CORIN: variants seen among roughly 807,000 people sequenced by gnomAD.
CORIN encodes corin, serine peptidase.
Under a neutral mutation model 125.3 loss-of-function variants are expected in CORIN, and 117 were observed. The ratio of observed to expected loss-of-function variants is 0.93; its 90% CI spans 0.80 to 1.09. CORIN has a LOEUF of 1.09. Among genes scored for constraint, CORIN ranks in the 50% least tolerant of loss-of-function variants. The pLI is 0.00. For missense variants in CORIN, 1,253 were observed against 1,306.7 expected (o/e 0.96, Z 0.63); for synonymous variants, 450 against 466.4 (o/e 0.96, Z 0.45).
At chr4:47,730,472 CAAAAAAAAAAAAAAA>C (rs71199996) in intron 5 of CORIN, among the ~76,000 whole-genome samples, 65 of 66,030 alleles carry the variant, frequency 9.8e-4, no homozygotes, top group African/African-American at 3.1e-3. Flanking sequence ...GACTCCATCT[CAAAAAAAAAAAAAAA>C]AAAAAAAAAG....
chr4:47,639,810 C>G (rs1723169300), intron 16 of CORIN, among the ~76,000 whole-genome samples: 1 of 152,186 alleles, frequency 6.6e-6, no homozygotes, highest in African/African-American at 2.4e-5. Context: ...GCTGCCTGAG[C>G]CTGTTCCCTC....
intron 5 of CORIN, among the ~76,000 whole-genome samples, chr4:47,733,665 G>T (rs1443653874): frequency 6.6e-6 from 1 of 152,204 alleles, no homozygotes; most frequent in South Asian, 2.1e-4. Context: ...CAGCATGATT[G>T]ATAGGTCCTG....
rs1373930194 is a variant in CORIN, at chr4:47,803,415, AG to A, written c.208+3487del. 2.8e-4 allele frequency among the ~76,000 whole-genome samples: 42 copies of A among 152,358 alleles called. 1 individual carries two copies. The highest frequency in any genetic ancestry group is 2.2e-3 in the Admixed American group (34 of 15,298). ...ATAGCCCAAGCTATCCTATGCAAAAAGAATGAAACTGGAAGAATCACATTAC... is the reference window on the plus strand; with the variant it reads ...ATAGCCCAAGCTATCCTATGCAAAAAAATGAAACTGGAAGAATCACATTAC... On this transcript the variant is annotated intron_variant, in intron 2 of 21. Coordinates refer to ENST00000273857, the MANE Select transcript of CORIN (RefSeq NM_006587.4).
At position 47,772,467 on chromosome 4, in the gene CORIN, T is replaced by C. The variant is rs575539282; in HGVS notation, c.410-8881A>G. 1.5e-4 allele frequency among the ~76,000 whole-genome samples: 23 copies of C among 152,348 alleles called. No homozygotes were observed. The South Asian group carries it at 4.3e-3, about 29-fold the overall frequency. On this transcript the variant is annotated intron_variant, in intron 3 of 21. Transcript: ENST00000273857. ...CATTTTTTATAAATTTTGAAAGAAC[T>C]ACACCTTGCCCCATAAAATCATCCA...
chr4:47,832,473 C>T (rs1483818128), intron 1 of CORIN, among the ~76,000 whole-genome samples: 1 of 120,322 alleles, frequency 8.3e-6, no homozygotes, highest in East Asian at 2.3e-4. Context: ...GAGATGGAGT[C>T]TCGCTCTATC....
intron 11 of CORIN, among the ~76,000 whole-genome samples, chr4:47,663,899 A>G (rs954288850): frequency 2.0e-5 from 3 of 152,172 alleles, no homozygotes; most frequent in Non-Finnish European, 4.4e-5. Flanking sequence ...CTCTATTGGT[A>G]TAATTTGTTC....
chr4:47,607,837 C>T (rs1384016708), intron 19 of CORIN, among the ~76,000 whole-genome samples: 1 of 151,856 alleles, frequency 6.6e-6, no homozygotes, highest in Non-Finnish European at 1.5e-5. Context: ...GTCCCAGCTA[C>T]TCAGGAGGCT....
chr4:47,694,394 T>TA (rs1178911569), intron 5 of CORIN, among the ~76,000 whole-genome samples: 3 of 151,980 alleles, frequency 2.0e-5, no homozygotes, highest in Non-Finnish European at 2.9e-5. Flanking sequence ...TAGTTTCAGA[T>TA]AAAAAAAAGT....
chr4:47,778,577 T>C (rs181143727), intron 3 of CORIN, among the ~76,000 whole-genome samples: 38 of 152,302 alleles, frequency 2.5e-4, no homozygotes, highest in African/African-American at 8.2e-4. Context: ...GAGCTACTTT[T>C]CTCTCTCTAG....
At chr4:47,658,333 C>A (rs1724085295) in intron 12 of CORIN, among the ~76,000 whole-genome samples, 1 of 152,246 alleles carries the variant, frequency 6.6e-6, no homozygotes, top group South Asian at 2.1e-4. Flanking sequence ...GGCAGCTCTG[C>A]CCCTGTGGCT....
chr4:47,614,880 T>C (rs1052230472), intron 19 of CORIN, among the ~76,000 whole-genome samples: 30 of 151,806 alleles, frequency 2.0e-4, no homozygotes, highest in African/African-American at 7.3e-4. Context: ...CTAAACTAGA[T>C]AGTAAAAAAA....
At chr4:47,830,206 A>T (rs1732919810) in intron 1 of CORIN, among the ~76,000 whole-genome samples, 1 of 152,112 alleles carries the variant, frequency 6.6e-6, no homozygotes, top group East Asian at 1.9e-4. Context: ...AACTTCCAAC[A>T]ATAAATCCCA....
intron 5 of CORIN, among the ~76,000 whole-genome samples, chr4:47,704,849 T>C (rs1457033834): frequency 6.6e-6 from 1 of 152,030 alleles, no homozygotes; most frequent in Non-Finnish European, 1.5e-5. Context: ...TTCATTTTTT[T>C]CCACTTGACA....
intron 19 of CORIN, among the ~76,000 whole-genome samples, chr4:47,604,749 T>C: frequency 6.6e-6 from 1 of 152,216 alleles, no homozygotes; most frequent in East Asian, 1.9e-4. Flanking sequence ...GACCATGCAA[T>C]GGCCTCCCAA....
In CORIN at chr4:47,767,615, A is replaced by G. The variant is rs1360184145; in HGVS notation, c.410-4029T>C. On this transcript the variant is annotated intron_variant, in intron 3 of 21. Transcript: ENST00000273857. ...AGAATGATAACAATGAGCTATTAAT[A>G]GCTATGCCAGGAAAATAAATATAAA... 2.0e-5 allele frequency among the ~76,000 whole-genome samples: 3 copies of G among 152,362 alleles called. No individual in the cohort carries two copies. The East Asian group carries it at 5.8e-4, about 29-fold the overall frequency.
chr4:47,643,039 T>C (rs779096372), intron 15 of CORIN, 107 bp downstream of exon 15: 34 of 1,570,002 alleles, frequency 2.2e-5, no homozygotes, highest in Non-Finnish European at 2.5e-5. Flanking sequence ...TAAAACAAAA[T>C]AGATGAACTT....
chr4:47,700,310 C>T (rs1030486166), intron 5 of CORIN, among the ~76,000 whole-genome samples: 1 of 152,106 alleles, frequency 6.6e-6, no homozygotes, highest in African/African-American at 2.4e-5. Context: ...AACATGAAGA[C>T]TCAGAGTAAG....
At chr4:47,621,833 C>G (rs1329011493) in intron 19 of CORIN, among the ~76,000 whole-genome samples, 1 of 151,542 alleles carries the variant, frequency 6.6e-6, no homozygotes, top group African/African-American at 2.4e-5. Flanking sequence ...ATGGGCCTTA[C>G]CCATTCAGAT....
intron 20 of CORIN, 98 bp downstream of exon 20, chr4:47,603,299 C>T: frequency 7.6e-7 from 1 of 1,308,796 alleles, no homozygotes; most frequent in South Asian, 1.4e-5. Context: ...CCCATCCCTG[C>T]AGAACTGTGA....
Sources: allele counts gnomAD v4.1 joint callset (sites outside exome capture counted in the v4.1 genomes callset), GRCh38; gene constraint gnomAD v4.1.1; transcripts MANE v1.5; gene names NCBI Gene and HGNC (gene_info 2026-07-23, HGNC 2026-07-21).